Variants in EIF2AK4 observed in about 807,000 individuals in gnomAD.
EIF2AK4 encodes the protein eukaryotic translation initiation factor 2 alpha kinase 4.
A neutral mutation model predicts 211.1 loss-of-function variants in EIF2AK4; 139 were observed. That is an observed-to-expected ratio of 0.66 (90% CI 0.57 to 0.76). The LOEUF is 0.76. Among genes scored for constraint, EIF2AK4 ranks in the 30% least tolerant of loss-of-function variants. EIF2AK4 has a pLI of 0.00. For synonymous variants in EIF2AK4, 710 were observed against 751.3 expected, an observed-to-expected ratio of 0.94 and a Z score of 0.90; for missense variants, 1,664 against 2,043.8, an observed-to-expected ratio of 0.81 and a Z score of 3.58.
chr15:40,022,307 A>G (rs949278950), intron 31 of EIF2AK4: 29 of 496,318 alleles, frequency 5.8e-5, no homozygotes, highest in African/African-American at 5.7e-4. Flanking sequence ...GGCCCTTTAA[A>G]CAATCATGAA....
chr15:40,003,386 G>A (rs1045492632), intron 23 of EIF2AK4, 72 bp downstream of exon 23: 4 of 1,578,298 alleles, frequency 2.5e-6, no homozygotes, highest in Non-Finnish European at 3.4e-6. Context: ...TCTGTTAAAG[G>A]ATTTTTCCCC....
At chr15:39,953,099 G>A (rs1338735067) in intron 4 of EIF2AK4, among the ~76,000 whole-genome samples, 1 of 152,084 alleles carries the variant, frequency 6.6e-6, no homozygotes, top group Non-Finnish European at 1.5e-5. Context: ...ATCCACCTTG[G>A]CCTCCCAAAG....
Position 40,022,331 on chromosome 15 carries a change from A to T in EIF2AK4, c.4303-188A>T, listed in dbSNP as rs887667525. On this transcript the variant is annotated intron_variant, in intron 31 of 38. Coordinates refer to ENST00000263791, the MANE Select transcript of EIF2AK4 (RefSeq NM_001013703.4). ...AACAATCATGAAGGGAAGGGAGGCA[A>T]GAGAGGCCTTGTTCCTCCCTTGAAT... 1.1e-5 allele frequency: 6 copies of T among 545,086 alleles called. No individual in the cohort carries two copies. In the African/African-American group the frequency reaches 1.2e-4, roughly 10 times the overall value. 33.8% of individuals were successfully genotyped at this position (545,086 alleles called of 1,614,324 possible).
chr15:39,985,825 G>T lies in EIF2AK4; in HGVS notation c.2340G>T (p.Lys780Asn), dbSNP rs1566994890. 2 of 1,614,118 alleles carry T rather than the reference G, an allele frequency of 1.2e-6. No homozygotes were observed. Among genetic ancestry groups the T allele is most frequent in the Non-Finnish European group, 8.5e-7 (1 of 1,179,996 alleles). The change falls in exon 14 of 39, where the codon AAG (lysine) becomes AAT (asparagine). Residue 780 changes from lysine to asparagine, a missense_variant. This residue lies in a region of EIF2AK4 where 206 missense variants were observed against 201.9 expected (regional missense o/e 1.02). Transcript: ENST00000263791. The stretch of plus-strand genomic sequence containing the variant: ...GTTAGGATGAAGATTGCAATGAAAA[G>T]AATGGCTGCCATGAAAGTGAGCCAT... ...SQNQDEDCNE[K>N]NGCHESEPSV...
chr15:39,950,159 G>T (rs1470766717), intron 4 of EIF2AK4, among the ~76,000 whole-genome samples: 1 of 152,066 alleles, frequency 6.6e-6, no homozygotes, highest in Non-Finnish European at 1.5e-5. Context: ...AATAATTCTT[G>T]AAGTGATTCA....
chr15:39,993,457 G>A (rs1331261462), intron 18 of EIF2AK4, among the ~76,000 whole-genome samples: 1 of 152,258 alleles, frequency 6.6e-6, no homozygotes, highest in Non-Finnish European at 1.5e-5. Context: ...TCTCTTGAGA[G>A]GATGGCATTT....
intron 19 of EIF2AK4, among the ~76,000 whole-genome samples, chr15:39,998,270 G>T (rs115886858): frequency 0.065 from 8,036 of 124,106 alleles, 307 homozygotes; most frequent in Non-Finnish European, 0.075. Context: ...TTTTTTTTTT[G>T]TTTTGTTTTT....
intron 15 of EIF2AK4, 42 bp downstream of exon 15, chr15:39,988,147 A>G (rs2034892143): frequency 6.2e-7 from 1 of 1,604,620 alleles, no homozygotes; most frequent in East Asian, 2.2e-5. Context: ...TTATGTTTAC[A>G]TAAATTTATG....
At position 39,993,126 on chromosome 15, in the gene EIF2AK4, A is replaced by G. The variant is rs528511307; in HGVS notation, c.2766+278A>G. On this transcript the variant is annotated intron_variant, in intron 18 of 38. Coordinates refer to ENST00000263791, the MANE Select transcript of EIF2AK4 (RefSeq NM_001013703.4). ...CATCCACCCACCCATCCACCCATCC[A>G]TCCACCCACCCATCCATCCACCTGT... Among the ~76,000 whole-genome samples, 511 of 144,770 alleles carry G rather than the reference A, an allele frequency of 3.5e-3. 7 individuals carry two copies. The highest frequency in any genetic ancestry group is 4.0e-3 in the Non-Finnish European group (268 of 66,272). The allele number at this position is 144,770 out of a possible 152,430, so 95.0% of individuals were successfully genotyped here. A position where few individuals can be genotyped will look rare whatever the true frequency, so the allele number is the denominator to read the frequency against.
intron 27 of EIF2AK4, among the ~76,000 whole-genome samples, chr15:40,013,387 C>CT (rs2035262726): frequency 6.6e-6 from 1 of 152,100 alleles, no homozygotes; most frequent in South Asian, 2.1e-4. Flanking sequence ...TATTAGTCTG[C>CT]TGTCACACTG....
rs2035405943 is a variant in EIF2AK4 at position 40,022,577 on chromosome 15, T to C, written c.4361T>C (p.Val1454Ala). Residue 1454 changes from valine (V) to alanine (A), a missense_variant, in exon 32 of 39, where the codon GTC becomes GCC. Val to Ala is a moderately conservative substitution (Grantham distance 64). This residue lies in a region of EIF2AK4 where 622 missense variants were observed against 796.8 expected (regional missense o/e 0.78). Transcript: ENST00000263791. ...RHHEITYVAL[V>A]SDKEGSHVKV... ...CATGAAATCACCTATGTGGCCCTTG[T>C]CTCGGATAAAGAAGGAAGCCATGTC... 6.2e-7 allele frequency: 1 copy of C among 1,614,092 alleles called. No homozygotes were observed. The highest frequency in any genetic ancestry group is 1.3e-5 in the African/African-American group (1 of 74,934).
At chr15:39,986,416 G>T (rs946479465) in intron 14 of EIF2AK4, among the ~76,000 whole-genome samples, 2 of 152,226 alleles carry the variant, frequency 1.3e-5, no homozygotes, top group African/African-American at 4.8e-5. Flanking sequence ...AAAGTGGCTT[G>T]ACCAGGAACC....
At chr15:39,986,109 CAG>C (rs1406754083) in intron 14 of EIF2AK4, among the ~76,000 whole-genome samples, 1 of 152,238 alleles carries the variant, frequency 6.6e-6, no homozygotes, top group Non-Finnish European at 1.5e-5. Flanking sequence ...GCTCTGGGCT[CAG>C]GCTGTGTAAG....
chr15:40,029,240 C>T lies in EIF2AK4; in HGVS notation c.4503-166C>T, dbSNP rs370960780. On this transcript the variant is annotated intron_variant, in intron 33 of 38. Transcript: ENST00000263791. Reference sequence around the variant, plus strand: ...AATTTTTACTTGCTCTTGACCAAAGCATAACTAAATGCAAATTTTTTGTTT... The same window carrying T: ...AATTTTTACTTGCTCTTGACCAAAGTATAACTAAATGCAAATTTTTTGTTT... 7.6e-5 allele frequency: 70 copies of T among 917,968 alleles called. 1 individual carries two copies. The East Asian group carries it at 5.4e-3, about 71-fold the overall frequency. The allele number at this position is 917,968 out of a possible 1,614,324, so 56.9% of individuals were successfully genotyped here. A position where few individuals can be genotyped will look rare whatever the true frequency, so the allele number is the denominator to read the frequency against.
intron 12 of EIF2AK4, chr15:39,977,144 C>A: frequency 3.2e-6 from 1 of 315,336 alleles, no homozygotes; most frequent in African/African-American, 2.1e-5. Context: ...AAAACAAAAA[C>A]AAAAACAAAA....
At chr15:39,947,096 C>A (rs17720383) in intron 3 of EIF2AK4, among the ~76,000 whole-genome samples, 2 of 152,134 alleles carry the variant, frequency 1.3e-5, no homozygotes, top group African/African-American at 4.8e-5. Flanking sequence ...TCTGAGTCAT[C>A]GTCATATAAT....
At chr15:39,935,945 T>C (rs781387111) in intron 1 of EIF2AK4, among the ~76,000 whole-genome samples, 4 of 152,190 alleles carry the variant, frequency 2.6e-5, no homozygotes, top group African/African-American at 4.8e-5. Context: ...GGGGAACTTC[T>C]ATCTTCCCAA....
intron 18 of EIF2AK4, among the ~76,000 whole-genome samples, chr15:39,993,110 A>G: frequency 6.9e-6 from 1 of 144,516 alleles, no homozygotes; most frequent in Non-Finnish European, 1.5e-5. Context: ...CCATCCACCC[A>G]CCCATCCACC....
intron 25 of EIF2AK4, among the ~76,000 whole-genome samples, chr15:40,008,441 T>TA (rs2035191752): frequency 6.6e-6 from 1 of 152,204 alleles, no homozygotes; most frequent in Non-Finnish European, 1.5e-5. Context: ...AAATGCAAGA[T>TA]ATCAGGCTAA....
Sources: gnomAD v4.1 joint callset for allele counts (sites outside exome capture counted in the v4.1 genomes callset) on GRCh38, gnomAD v4.1.1 for gene constraint, gnomAD v4.1.1 regional missense constraint, MANE v1.5 for transcripts, NCBI Gene and HGNC (gene_info 2026-07-23, HGNC 2026-07-21) for gene names.